The following MAP2K3 variants were observed in gnomAD, a reference collection of about 807,000 sequenced individuals.
The protein encoded by MAP2K3 is mitogen-activated protein kinase kinase 3.
A neutral mutation model predicts 46.4 loss-of-function variants in MAP2K3; 30 were observed. The ratio of observed to expected loss-of-function variants is 0.65; its 90% CI spans 0.48 to 0.88. The LOEUF (loss-of-function observed/expected upper bound fraction) is 0.88, where lower values mean the gene tolerates loss of function less well. Ranked by LOEUF, MAP2K3 falls within the 40% of genes least tolerant of loss-of-function variation. The pLI is 0.00. For missense variants in MAP2K3, 380 were observed against 464.5 expected (o/e 0.82, Z 1.67); for synonymous variants, 189 against 176.3 (o/e 1.07, Z -0.57).
intron 2 of MAP2K3, among the ~76,000 whole-genome samples, 156 bp downstream of exon 2, chr17:21,298,635 G>C (rs928717155): frequency 6.6e-6 from 1 of 152,312 alleles, no homozygotes; most frequent in Non-Finnish European, 1.5e-5. Context: ...CGGCTGCTGG[G>C]GGTTCATGCA....
In MAP2K3 at chr17:21,288,191, G is replaced by C. The variant is rs930162357; in HGVS notation, c.49+3222G>C. On this transcript the variant is annotated intron_variant, in intron 1 of 11. Transcript: ENST00000342679. ...TGCCTGCCAGCCTGGTGGGTGGGGA[G>C]GGGGTTACGTGTCCTGCAGGTGGCA... 1.5e-5 allele frequency: 14 copies of C among 958,102 alleles called. No homozygotes were observed. In the African/African-American group the frequency reaches 2.4e-4, roughly 16 times the overall value. 59.4% of individuals were successfully genotyped at this position (958,102 alleles called of 1,614,324 possible). A position where few individuals can be genotyped will look rare whatever the true frequency, so the allele number is the denominator to read the frequency against.
intron 1 of MAP2K3, among the ~76,000 whole-genome samples, chr17:21,289,628 G>T (rs1323026303): frequency 6.6e-6 from 1 of 152,242 alleles, no homozygotes; most frequent in Non-Finnish European, 1.5e-5. Flanking sequence ...CATCAGGCCT[G>T]TGTGCCCAGT....
At chr17:21,298,242 C>G (rs1976373298) in intron 1 of MAP2K3, 171 bp from the exon 2 acceptor site, 5 of 959,940 alleles carry the variant, frequency 5.2e-6, no homozygotes, top group Non-Finnish European at 8.5e-6. Context: ...GGCTGGTGGG[C>G]CTCCTTCCCC....
At chr17:21,300,761 AG>A in intron 4 of MAP2K3, 103 bp downstream of exon 4, 1 of 1,608,662 alleles carries the variant, frequency 6.2e-7, no homozygotes, top group Non-Finnish European at 8.5e-7. Context: ...TACCGAGGCT[AG>A]GCTTTTTGGG....
chr17:21,291,742 C>A, intron 1 of MAP2K3: 1 of 374,110 alleles, frequency 2.7e-6, no homozygotes, highest in Non-Finnish European at 5.3e-6. Context: ...TCACGGCTAC[C>A]CAGCAACCTG....
intron 2 of MAP2K3, 101 bp downstream of exon 2, chr17:21,298,580 C>T: frequency 3.2e-6 from 5 of 1,584,346 alleles, no homozygotes; most frequent in Non-Finnish European, 3.5e-6. Flanking sequence ...CCTGCTTTAC[C>T]TCGTCCTGTC....
In MAP2K3 at chr17:21,295,907, A is replaced by G. The variant is rs1976218339; in HGVS notation, c.50-2506A>G. 5 of 1,268,668 alleles carry G rather than the reference A, an allele frequency of 3.9e-6. No homozygotes were observed. The South Asian group carries it at 5.1e-5, about 13-fold the overall frequency. The allele number at this position is 1,268,668 out of a possible 1,614,324, so 78.6% of individuals were successfully genotyped here. A position where few individuals can be genotyped will look rare whatever the true frequency, so the allele number is the denominator to read the frequency against. ...GCAGGGAGGGTGTGGCGTGGACCCC[A>G]CAGGGAAAGGGTGGGACTCAAGGGG... On this transcript the variant is annotated intron_variant, in intron 1 of 11. Coordinates refer to ENST00000342679, the MANE Select transcript of MAP2K3 (RefSeq NM_145109.3).
In MAP2K3 at chr17:21,298,463, C is replaced by T. The variant is rs1976392735; in HGVS notation, c.100C>T (p.Pro34Ser). The T allele has an allele frequency of 1.2e-6, 2 of 1,614,312 alleles. No individual in the cohort carries two copies. Among genetic ancestry groups the T allele is most frequent in the South Asian group, 2.2e-5 (2 of 91,092 alleles). The change falls in exon 2 of 12, where the codon CCC becomes TCC. Residue 34 changes from proline (P) to serine (S), a missense_variant. Around this residue, in one of 5 missense-constraint regions of MAP2K3, gnomAD observed 294 missense variants for 275.4 expected, o/e 1.07. Transcript: ENST00000342679. ...DLRISCMSKP[P>S]APNPTPPRNL... The stretch of plus-strand genomic sequence containing the variant: ...ACGGATATCCTGCATGTCCAAGCCA[C>T]CCGCACCCAACCCCACGTGAGTCTG...
chr17:21,295,881 T>C, intron 1 of MAP2K3: 5 of 1,281,988 alleles, frequency 3.9e-6, no homozygotes, highest in Non-Finnish European at 5.1e-6. Flanking sequence ...GCAGAGAGAG[T>C]GCAGGGAGGG....
intron 5 of MAP2K3, among the ~76,000 whole-genome samples, chr17:21,301,647 C>T (rs546533912): frequency 5.2e-5 from 8 of 152,426 alleles, no homozygotes; most frequent in South Asian, 2.1e-4. Context: ...AGCCCCTAGC[C>T]GATGGGGCCC....
chr17:21,304,309 T>G (rs1272406564), intron 7 of MAP2K3, 117 bp from the exon 8 acceptor site: 1 of 1,564,264 alleles, frequency 6.4e-7, no homozygotes, highest in Non-Finnish European at 8.7e-7. Flanking sequence ...CACTGGGGCA[T>G]GGGAGGGGGC....
chr17:21,294,220 C>T (rs1976110798), intron 1 of MAP2K3, among the ~76,000 whole-genome samples: 1 of 152,304 alleles, frequency 6.6e-6, no homozygotes, highest in African/African-American at 2.4e-5. Flanking sequence ...TTGCTGCTCA[C>T]ATCTCCCAGC....
chr17:21,313,440 G>A (rs1977256537), intron 10 of MAP2K3, 52 bp from the exon 11 acceptor site: 1 of 1,561,266 alleles, frequency 6.4e-7, no homozygotes, highest in Admixed American at 1.7e-5. Context: ...GGCCCTTGGG[G>A]GCTGGGCTTC....
At chr17:21,294,393 TTA>T (rs1976122246) in intron 1 of MAP2K3, among the ~76,000 whole-genome samples, 1 of 152,310 alleles carries the variant, frequency 6.6e-6, no homozygotes, top group Non-Finnish European at 1.5e-5. Flanking sequence ...GGGGCTGACT[TTA>T]TGAGTGGAGG....
At chr17:21,303,479 T>C (rs1012874832) in intron 7 of MAP2K3, among the ~76,000 whole-genome samples, 2 of 152,312 alleles carry the variant, frequency 1.3e-5, no homozygotes, top group Non-Finnish European at 2.9e-5. Context: ...TCTGTTCTGA[T>C]GTATAGTTTA....
intron 1 of MAP2K3, among the ~76,000 whole-genome samples, chr17:21,293,605 C>T (rs1976070610): frequency 1.3e-5 from 2 of 152,310 alleles, no homozygotes; most frequent in African/African-American, 4.8e-5. Context: ...TGAGGAAGTC[C>T]CTGTAGGGTA....
At chr17:21,295,675 G>A (rs1252795694) in intron 1 of MAP2K3, 3 of 1,289,502 alleles carry the variant, frequency 2.3e-6, no homozygotes, top group South Asian at 2.5e-5. Flanking sequence ...TCCCCAACAG[G>A]CCGGTGGATG....
chr17:21,292,073 G>T (rs1372919062), intron 1 of MAP2K3, among the ~76,000 whole-genome samples: 1 of 152,312 alleles, frequency 6.6e-6, no homozygotes, highest in Non-Finnish European at 1.5e-5. Flanking sequence ...CTGCTGCCCT[G>T]GTGCGTCACC....
intron 9 of MAP2K3, among the ~76,000 whole-genome samples, chr17:21,308,171 GGAGTC>G (rs1976991740): frequency 8.8e-6 from 1 of 113,920 alleles, no homozygotes; most frequent in Non-Finnish European, 1.8e-5. Context: ...TTTTTTTGAG[GGAGTC>G]TCACTCTGTC....
Sources: allele counts gnomAD v4.1 joint callset (sites outside exome capture counted in the v4.1 genomes callset), GRCh38; gene constraint gnomAD v4.1.1; regional missense constraint gnomAD v4.1.1; transcripts MANE v1.5; gene names NCBI Gene and HGNC (gene_info 2026-07-23, HGNC 2026-07-21).